Variants in DDX24 observed in about 807,000 individuals in gnomAD.
DDX24 encodes ATP-dependent RNA helicase DDX24.
DDX24 carries 24 observed loss-of-function variants against 68.9 expected under a neutral mutation model. The ratio of observed to expected loss-of-function variants is 0.35; its 90% CI spans 0.25 to 0.49. The LOEUF is 0.49. Ranked by LOEUF, DDX24 falls within the 20% of genes least tolerant of loss-of-function variation. The pLI is 0.99. For missense variants in DDX24, 989 were observed against 1,039.0 expected (o/e 0.95, Z 0.66); for synonymous variants, 395 against 385.2 (o/e 1.03, Z -0.30).
At chr14:94,078,258 G>A in intron 2 of DDX24, among the ~76,000 whole-genome samples, 1 of 152,156 alleles carries the variant, frequency 6.6e-6, no homozygotes. Context: ...GTATCCAAGG[G>A]AGGTCCTGGA....
At chr14:94,073,918 C>G (rs2141435065) in intron 2 of DDX24, among the ~76,000 whole-genome samples, 1 of 151,826 alleles carries the variant, frequency 6.6e-6, no homozygotes, top group East Asian at 1.9e-4. Context: ...TGGTGGGCAC[C>G]TGTAGTCCCA....
At chr14:94,054,891 T>G in intron 7 of DDX24, 105 bp downstream of exon 7, 2 of 1,277,532 alleles carry the variant, frequency 1.6e-6, no homozygotes, top group Non-Finnish European at 2.2e-6. Flanking sequence ...GGCAGAACCA[T>G]TCCTTAGTTT....
intron 7 of DDX24, 77 bp downstream of exon 7, chr14:94,054,919 A>C: frequency 1.3e-6 from 2 of 1,494,764 alleles, no homozygotes; most frequent in Non-Finnish European, 1.8e-6. Flanking sequence ...TTATGCTGCC[A>C]GAGTCCCACA....
intron 2 of DDX24, among the ~76,000 whole-genome samples, chr14:94,077,760 G>C (rs1250094007): frequency 6.6e-6 from 1 of 151,700 alleles, no homozygotes; most frequent in African/African-American, 2.4e-5. Context: ...TGAGTTTCCT[G>C]ACCACTGTTC....
chr14:94,071,317 T>G (rs1885823185), intron 2 of DDX24, among the ~76,000 whole-genome samples: 1 of 152,112 alleles, frequency 6.6e-6, no homozygotes, highest in Non-Finnish European at 1.5e-5. Context: ...ACCACCTTAC[T>G]CCTGCAAGAA....
At chr14:94,075,347 C>A (rs902772518) in intron 2 of DDX24, among the ~76,000 whole-genome samples, 1 of 152,052 alleles carries the variant, frequency 6.6e-6, no homozygotes, top group South Asian at 2.1e-4. Context: ...AGAGAAAGAC[C>A]CACACCTATA....
At chr14:94,051,571 C>T (rs1265549898) in intron 8 of DDX24, 109 bp from the exon 9 acceptor site, 2 of 1,433,102 alleles carry the variant, frequency 1.4e-6, no homozygotes, top group African/African-American at 1.4e-5. Flanking sequence ...TTTAGGGAGG[C>T]AGGGTTCAAA....
intron 7 of DDX24, 147 bp from the exon 8 acceptor site, chr14:94,053,274 G>A: frequency 1.0e-6 from 1 of 1,001,988 alleles, no homozygotes. Flanking sequence ...ATGGCTCACT[G>A]CAGCCTCAAC....
intron 8 of DDX24, chr14:94,051,722 A>G (rs922593878): frequency 7.9e-5 from 31 of 393,942 alleles, no homozygotes; most frequent in Non-Finnish European, 1.2e-4. Context: ...TTTACAGATG[A>G]GGCAACTCAG....
rs1276581174 is a variant in DDX24 at position 94,060,727 on chromosome 14, TACC to T, written c.1398-117_1398-115del. 3.1e-5 allele frequency: 45 copies of T among 1,463,350 alleles called. No individual in the cohort carries two copies. In the South Asian group the frequency reaches 4.9e-4, roughly 16 times the overall value. The allele number at this position is 1,463,350 out of a possible 1,614,324, so 90.6% of individuals were successfully genotyped here. ...ACACACACACACGTACACACCCCAC[TACC>T]ACCACCACCATCAGGCCCTCAACTA... On this transcript the variant is annotated intron_variant, in intron 4 of 8. Coordinates refer to ENST00000621632, the MANE Select transcript of DDX24 (RefSeq NM_020414.4).
chr14:94,077,339 G>T (rs1382851052), intron 2 of DDX24, among the ~76,000 whole-genome samples: 1 of 152,220 alleles, frequency 6.6e-6, no homozygotes, highest in Admixed American at 6.5e-5. Flanking sequence ...CAACCTGACA[G>T]GAACTGTGGT....
Position 94,053,066 on chromosome 14 carries a change from A to G in DDX24, c.2240T>C (p.Leu747Pro). ...TGCCTGCTCAATCCAAGAGTTGTGC[A>G]GGCAAGCCTGGAAGTTCCGATACTC... ...KSEYRNFQAC[L>P]HNSWIEQAAA... Residue 747 changes from leucine (L) to proline (P), a missense_variant, in exon 8 of 9, where the codon CTG becomes CCG. By Grantham distance (98) the Leu-to-Pro change is moderately conservative. Around this residue, in one of 3 missense-constraint regions of DDX24, gnomAD observed 691 missense variants for 760.0 expected, o/e 0.91. Transcript: ENST00000621632. The G allele has an allele frequency of 6.2e-7, 1 of 1,614,250 alleles. No individual in the cohort carries two copies. The highest frequency in any genetic ancestry group is 8.5e-7 in the Non-Finnish European group (1 of 1,180,046).
At chr14:94,069,769 C>T (rs1468822865) in intron 2 of DDX24, among the ~76,000 whole-genome samples, 1 of 152,134 alleles carries the variant, frequency 6.6e-6, no homozygotes, top group African/African-American at 2.4e-5. Context: ...ATCACATGAT[C>T]TCAATAGATG....
At chr14:94,060,068 G>T (rs947386640) in intron 5 of DDX24, 30 bp downstream of exon 5, 6 of 1,579,800 alleles carry the variant, frequency 3.8e-6, no homozygotes, top group Non-Finnish European at 4.3e-6. Context: ...CTAACTAGAG[G>T]TTAAGCCTCT....
At chr14:94,078,940 T>C (rs1885998918) in intron 2 of DDX24, 85 bp downstream of exon 2, 2 of 1,397,784 alleles carry the variant, frequency 1.4e-6, no homozygotes, top group East Asian at 4.6e-5. Flanking sequence ...TTCTTCAACA[T>C]TCTTCTCTCT....
intron 2 of DDX24, among the ~76,000 whole-genome samples, chr14:94,065,148 A>G (rs1885674359): frequency 6.6e-6 from 1 of 151,732 alleles, no homozygotes; most frequent in South Asian, 2.1e-4. Flanking sequence ...CTCCAGGTTC[A>G]AGCGATTCTC....
intron 2 of DDX24, among the ~76,000 whole-genome samples, chr14:94,076,354 A>T (rs970877395): frequency 1.3e-5 from 2 of 152,192 alleles, no homozygotes; most frequent in Admixed American, 1.3e-4. Flanking sequence ...CCCCTCCAGT[A>T]CATATTATAT....
Position 94,051,136 on chromosome 14 carries a change from T to C in DDX24, c.*55A>G, listed in dbSNP as rs554645559. 8 of 1,477,584 alleles carry C rather than the reference T, an allele frequency of 5.4e-6. No homozygotes were observed. The Admixed American group carries it at 1.6e-4, about 29-fold the overall frequency. 91.5% of individuals were successfully genotyped at this position (1,477,584 alleles called of 1,614,324 possible). A position where few individuals can be genotyped will look rare whatever the true frequency, so the allele number is the denominator to read the frequency against. On this transcript the variant is annotated 3_prime_UTR_variant, in exon 9 of 9. Transcript: ENST00000621632. The stretch of plus-strand genomic sequence containing the variant: ...GTGAAACACAAGGGTGGGAGAGGTT[T>C]TGCAAATAGCCAGAGAACAGAAACC...
chr14:94,063,237 G>T (rs1885633266), intron 2 of DDX24, among the ~76,000 whole-genome samples: 2 of 151,668 alleles, frequency 1.3e-5, no homozygotes, highest in South Asian at 4.2e-4. Context: ...AATTTTCAAA[G>T]GAAATAAGCA....
Sources: gnomAD v4.1 joint callset for allele counts (sites outside exome capture counted in the v4.1 genomes callset) on GRCh38, gnomAD v4.1.1 for gene constraint, gnomAD v4.1.1 regional missense constraint, MANE v1.5 for transcripts, NCBI Gene and HGNC (gene_info 2026-07-23, HGNC 2026-07-21) for gene names.